Variants in LRRC37A observed in about 807,000 individuals in gnomAD.
LRRC37A encodes the protein leucine-rich repeat-containing protein 37A.
In LRRC37A, 3 loss-of-function variants were observed where a neutral mutation model predicts 35.4. The observed-to-expected ratio is 0.08, with a 90% confidence interval of 0.04 to 0.22. The LOEUF is 0.22. Ranked by LOEUF, LRRC37A falls within the 10% of genes least tolerant of loss-of-function variation. The pLI is 1.00. For missense variants in LRRC37A, 67 were observed against 565.3 expected (o/e 0.12, Z 8.94); for synonymous variants, 23 against 215.0 (o/e 0.11, Z 7.81).
upstream of LRRC37A, chr17:46,293,570 T>A (rs1169225605): frequency 1.1e-5 from 4 of 363,574 alleles, no homozygotes; most frequent in East Asian, 6.0e-4. Context: ...TAAATTAATC[T>A]CAAAACAGTC....
At chr17:46,272,246 C>T in the LRRC37A span, among the ~76,000 whole-genome samples, 1 of 152,224 alleles carries the variant, frequency 6.6e-6, no homozygotes, top group African/African-American at 2.4e-5. Flanking sequence ...AGCCCAAGGC[C>T]TGTGGTAGAA....
At chr17:46,275,496 A>G in the LRRC37A span, 1 of 646,494 alleles carries the variant, frequency 1.5e-6, no homozygotes, top group Non-Finnish European at 2.7e-6. Flanking sequence ...GCCAAAGTAA[A>G]TAAATCTGGA....
chr17:46,268,409 A>G, the LRRC37A span: 1 of 942,624 alleles, frequency 1.1e-6, no homozygotes, highest in Non-Finnish European at 1.4e-6. Flanking sequence ...GCAAGATAGT[A>G]GATTGCAGCT....
the LRRC37A span, among the ~76,000 whole-genome samples, chr17:46,271,928 ATTG>A: frequency 6.6e-6 from 1 of 152,104 alleles, no homozygotes; most frequent in Admixed American, 6.5e-5. Flanking sequence ...GTCCAGCTAA[ATTG>A]TTGTATTTTT....
Position 46,304,581 on chromosome 17 carries a change from T to A in LRRC37A, c.2754-928T>A, listed in dbSNP as rs1413835150. 2.6e-5 allele frequency among the ~76,000 whole-genome samples: 2 copies of A among 76,608 alleles called. 1 individual carries two copies. Among genetic ancestry groups the A allele is most frequent in the African/African-American group, 6.6e-5 (2 of 30,228 alleles). 50.3% of individuals were successfully genotyped at this position (76,608 alleles called of 152,430 possible). ...AGATGGAGATATCAGCCAGACAACG[T>A]TACACCATCCAGGTAAAGAGGGAGG... On this transcript the variant is annotated intron_variant, in intron 3 of 13. Coordinates refer to ENST00000320254, the Ensembl canonical transcript of LRRC37A.
At chr17:46,252,397 G>A in the LRRC37A span, among the ~76,000 whole-genome samples, 58 of 138,644 alleles carry the variant, frequency 4.2e-4, no homozygotes, top group African/African-American at 1.4e-3. Context: ...TTTTTTAATT[G>A]ATCATTCTTG....
the LRRC37A span, chr17:46,267,168 G>T: frequency 1.8e-6 from 1 of 564,266 alleles, no homozygotes; most frequent in Non-Finnish European, 3.0e-6. Flanking sequence ...CCCGGCCGCC[G>T]CGCCGCCGCC....
the LRRC37A span, among the ~76,000 whole-genome samples, chr17:46,259,017 C>CTTTTTTT: frequency 4.0e-5 from 1 of 24,988 alleles, no homozygotes; most frequent in African/African-American, 1.0e-4. Context: ...CGCACCCGGC[C>CTTTTTTT]TATTTTTTTT....
the LRRC37A span, among the ~76,000 whole-genome samples, chr17:46,261,957 T>C: frequency 3.9e-5 from 6 of 152,088 alleles, no homozygotes; most frequent in Non-Finnish European, 7.4e-5. Flanking sequence ...TTATTATTAT[T>C]ATTATTTTTT....
At chr17:46,250,888 T>TCTTCCTCTTCCTCTTCCTCTC in the LRRC37A span, among the ~76,000 whole-genome samples, 2 of 111,732 alleles carry the variant, frequency 1.8e-5, no homozygotes, top group East Asian at 1.9e-4. Flanking sequence ...CTCTTCCTTC[T>TCTTCCTCTTCCTCTTCCTCTC]CTTCCTCTTC....
the LRRC37A span, among the ~76,000 whole-genome samples, chr17:46,256,201 A>C: frequency 1.7e-4 from 26 of 152,022 alleles, no homozygotes; most frequent in African/African-American, 6.0e-4. Flanking sequence ...CCTGGGCAAT[A>C]TGGTGAAAAG....
At chr17:46,257,452 CA>C in the LRRC37A span, among the ~76,000 whole-genome samples, 50,828 of 82,468 alleles carry the variant, frequency 0.62, 14,251 homozygotes, top group South Asian at 0.77. Flanking sequence ...GACTCTGTCT[CA>C]AAAAAAAAAA....
intron 3 of LRRC37A, among the ~76,000 whole-genome samples, chr17:46,305,027 C>A (rs1479709051): frequency 2.5e-5 from 2 of 80,740 alleles, no homozygotes; most frequent in African/African-American, 6.8e-5. Flanking sequence ...TGCCACTAGG[C>A]CCGGCTAATT....
At chr17:46,282,268 AATTTTTTGTTATTTTTAGTAGAG>A in the LRRC37A span, among the ~76,000 whole-genome samples, 5 of 151,778 alleles carry the variant, frequency 3.3e-5, no homozygotes, top group Middle Eastern at 3.4e-3. Context: ...ACGCCCGCCT[AATTTTTTGTTATTTTTAGTAGAG>A]ACGGGGTTTC....
upstream of LRRC37A, among the ~76,000 whole-genome samples, chr17:46,289,732 T>G (rs1475268627): frequency 1.3e-5 from 2 of 152,236 alleles, no homozygotes; most frequent in Admixed American, 6.5e-5. Flanking sequence ...TTCCTAAATC[T>G]TATAGTCTCT....
intron 8 of LRRC37A, among the ~76,000 whole-genome samples, chr17:46,329,189 G>C (rs1290109875): frequency 4.1e-3 from 1 of 242 alleles, no homozygotes; most frequent in African/African-American, 5.6e-3. Flanking sequence ...AAATGTGACT[G>C]CTTTCATGTC....
At chr17:46,266,320 A>T in the LRRC37A span, among the ~76,000 whole-genome samples, 1 of 152,140 alleles carries the variant, frequency 6.6e-6, no homozygotes, top group Non-Finnish European at 1.5e-5. Flanking sequence ...CCCCCACCGC[A>T]GCGCGCAAAC....
the LRRC37A span, among the ~76,000 whole-genome samples, chr17:46,283,877 C>T: frequency 6.6e-6 from 1 of 152,218 alleles, no homozygotes; most frequent in Non-Finnish European, 1.5e-5. Flanking sequence ...AACACATGAA[C>T]AAAGGTCTCT....
intron 7 of LRRC37A, among the ~76,000 whole-genome samples, chr17:46,324,002 A>T (rs62073242): frequency 0.32 from 28,105 of 88,222 alleles, 11,013 homozygotes; most frequent in Non-Finnish European, 0.54. Context: ...GACTTTGGTA[A>T]CTGCAGGGGG....
Sources: allele counts gnomAD v4.1 joint callset (sites outside exome capture counted in the v4.1 genomes callset), GRCh38; gene constraint gnomAD v4.1.1; transcripts MANE v1.5; gene names NCBI Gene and HGNC (gene_info 2026-07-23, HGNC 2026-07-21).